Variants in RPL39 observed in about 807,000 individuals in gnomAD.
RPL39 encodes ribosomal protein L39, also known as large ribosomal subunit protein eL39.
For missense variants in RPL39, 6 were observed against 37.2 expected (o/e 0.16, Z 2.18); for synonymous variants, 8 against 11.4 (o/e 0.70, Z 0.60).
chrX:119,787,309 C>A (rs769419818), intron 2 of RPL39: 19 of 358,225 alleles, frequency 5.3e-5, no homozygotes, highest in Middle Eastern at 4.4e-4. Flanking sequence ...TACAATCGAT[C>A]AACTCCTCCA....
At chrX:119,788,936 A>C (rs965714299) in intron 2 of RPL39, among the ~76,000 whole-genome samples, 12 of 111,970 alleles carry the variant, frequency 1.1e-4, no homozygotes, top group Admixed American at 3.8e-4. Context: ...ACAGTTTTCC[A>C]ATCTTTTCTA....
intron 1 of RPL39, chrX:119,791,341 G>A: frequency 3.3e-6 from 1 of 303,404 alleles, no homozygotes; most frequent in Non-Finnish European, 6.0e-6. Flanking sequence ...GGCAAAGAAA[G>A]AGCCCCCTTG....
At chrX:119,791,320 G>C in intron 1 of RPL39, 1 of 294,699 alleles carries the variant, frequency 3.4e-6, no homozygotes, top group Non-Finnish European at 6.2e-6. Context: ...TGCCCGACTC[G>C]GCAGCGGCCG....
At chrX:119,790,870 G>A (rs1293850185) in intron 1 of RPL39, 3 of 111,116 alleles carry the variant, frequency 2.7e-5, no homozygotes, top group Non-Finnish European at 5.7e-5. Context: ...CACAGTAGCA[G>A]TTGTAAATTT....
At chrX:119,786,992 C>T (rs1030316355) in intron 2 of RPL39, among the ~76,000 whole-genome samples, 2 of 112,400 alleles carry the variant, frequency 1.8e-5, no homozygotes, top group East Asian at 2.8e-4. Context: ...CCCACTCTCT[C>T]CAAGTGTACT....
intron 2 of RPL39, among the ~76,000 whole-genome samples, chrX:119,788,496 A>G (rs1390788878): frequency 9.4e-6 from 1 of 106,442 alleles, no homozygotes; most frequent in African/African-American, 3.5e-5. Flanking sequence ...ACACCATTGC[A>G]CTCCAGCCTG....
At chrX:119,787,098 AT>A (rs147154753) in intron 2 of RPL39, among the ~76,000 whole-genome samples, 41,092 of 109,477 alleles carry the variant, frequency 0.38, 6,148 homozygotes, top group Non-Finnish European at 0.46. Context: ...CCCGCATGAT[AT>A]TTTTTTTGAG....
rs1296435453 is a variant in RPL39, at chrX:119,786,558, A to C, written c.*126T>G. On this transcript the variant is annotated 3_prime_UTR_variant, in exon 3 of 3. Transcript: ENST00000361575. ...CTGAATCCAGCCAACCAACGTGTTC[A>C]TAACAGATTCAGAGAGGAAAACACG... 1 of 537,375 alleles carries C rather than the reference A, an allele frequency of 1.9e-6. No homozygotes were observed. The highest frequency in any genetic ancestry group is 3.1e-5 in the South Asian group (1 of 32,121). The allele number at this position is 537,375 out of a possible 1,213,427, so 44.3% of individuals were successfully genotyped here.
Position 119,786,740 on chromosome X carries a change from G to A in RPL39, c.108-8C>T. ...CTCCTTTTGGAGTTGTACCTACACA[G>A]AAAAAAATGTCAAGTTACAAAGGCA... is the stretch of plus-strand genomic sequence containing the variant. On this transcript the variant is annotated splice_polypyrimidine_tract_variant and splice_region_variant and intron_variant, in intron 2 of 2. Transcript: ENST00000361575. 8.3e-7 allele frequency: 1 copy of A among 1,198,677 alleles called. No homozygotes were observed. The highest frequency in any genetic ancestry group is 1.1e-6 in the Non-Finnish European group (1 of 885,784).
Position 119,790,104 on chromosome X carries a change from A to T in RPL39, c.4-93T>A. 1.4e-5 allele frequency: 7 copies of T among 511,859 alleles called. No homozygotes were observed. In the South Asian group the frequency reaches 2.1e-4, roughly 15 times the overall value. The allele number at this position is 511,859 out of a possible 1,213,427, so 42.2% of individuals were successfully genotyped here. ...CCTTCAAACCAACATTTGAGTGCTT[A>T]ACACATACCCCAGCCCCAAAATCTT... On this transcript the variant is annotated intron_variant, in intron 1 of 2. Coordinates refer to ENST00000361575, the MANE Select transcript of RPL39 (RefSeq NM_001000.4).
Position 119,786,662 on chromosome X carries a change from G to A in RPL39, c.*22C>T. 8.9e-7 allele frequency: 1 copy of A among 1,118,055 alleles called. No individual in the cohort carries two copies. Among genetic ancestry groups the A allele is most frequent in the Non-Finnish European group, 1.2e-6 (1 of 813,489 alleles). 92.1% of individuals were successfully genotyped at this position (1,118,055 alleles called of 1,213,427 possible). A position where few individuals can be genotyped will look rare whatever the true frequency, so the allele number is the denominator to read the frequency against. The stretch of plus-strand genomic sequence containing the variant: ...TGACCTTCAGACAGCATAAATATGT[G>A]TGCCATCTCATGTGCAATTCCTTAT... On this transcript the variant is annotated 3_prime_UTR_variant, in exon 3 of 3. Coordinates refer to ENST00000361575, the MANE Select transcript of RPL39 (RefSeq NM_001000.4).
At chrX:119,787,213 G>A in intron 2 of RPL39, 1 of 269,030 alleles carries the variant, frequency 3.7e-6, no homozygotes, top group Non-Finnish European at 7.0e-6. Flanking sequence ...TCTCGAACTG[G>A]CTGGACTTCG....
rs185752382 is a variant in RPL39, at chrX:119,788,579, C to A, written c.107+1329G>T. 9.6e-3 allele frequency among the ~76,000 whole-genome samples: 1,060 copies of A among 110,184 alleles called. 5 individuals are homozygous for A. The highest frequency in any genetic ancestry group is 0.015 in the Non-Finnish European group (791 of 52,800). On this transcript the variant is annotated intron_variant, in intron 2 of 2. Transcript: ENST00000361575. ...GCTTTGACTAGCCTGGGCAACATGG[C>A]GAAACCCCATCTCTACAACAGGTAC... is the stretch of plus-strand genomic sequence containing the variant.
intron 2 of RPL39, among the ~76,000 whole-genome samples, chrX:119,789,440 C>T (rs2055687061): frequency 8.9e-6 from 1 of 112,205 alleles, no homozygotes; most frequent in African/African-American, 3.2e-5. Flanking sequence ...GCCTGTAGTC[C>T]CAGCTACTCT....
chrX:119,789,250 T>C (rs1276362857), intron 2 of RPL39, among the ~76,000 whole-genome samples: 4 of 110,397 alleles, frequency 3.6e-5, no homozygotes, highest in Non-Finnish European at 7.6e-5. Context: ...CAGAACAAGA[T>C]CCTGTCTCAA....
chrX:119,787,234 G>A (rs949065361), intron 2 of RPL39: 12 of 277,876 alleles, frequency 4.3e-5, no homozygotes, highest in Admixed American at 1.2e-4. Flanking sequence ...AGATCCACCC[G>A]CCTCGTCCTC....
Position 119,791,546 on chromosome X carries a change from C to CGGGGCCGATG in RPL39, c.3+18_3+27dup, listed in dbSNP as rs759470422. On this transcript the variant is annotated intron_variant, in intron 1 of 2. Coordinates refer to ENST00000361575, the MANE Select transcript of RPL39 (RefSeq NM_001000.4). ...GGCCTCGGGTTTTGGGAAGCCACCC[C>CGGGGCCGATG]GGGGCCGATGGGGGCCGATGGACTT... 2.0e-5 allele frequency: 23 copies of CGGGGCCGATG among 1,145,038 alleles called. No homozygotes were observed. The East Asian group carries it at 2.3e-4, about 12-fold the overall frequency. 94.4% of individuals were successfully genotyped at this position (1,145,038 alleles called of 1,213,427 possible).
At chrX:119,787,515 A>G (rs769662694) in intron 2 of RPL39, 32 of 366,497 alleles carry the variant, frequency 8.7e-5, no homozygotes, top group Admixed American at 2.3e-4. Flanking sequence ...GAAGATAGCT[A>G]AAACAATGAA....
At chrX:119,787,965 A>G (rs746449253) in intron 2 of RPL39, among the ~76,000 whole-genome samples, 14 of 111,424 alleles carry the variant, frequency 1.3e-4, no homozygotes, top group Non-Finnish European at 2.6e-4. Flanking sequence ...TGGTTTATAT[A>G]TACTTCTTTC....
Sources: allele counts gnomAD v4.1 joint callset (sites outside exome capture counted in the v4.1 genomes callset), GRCh38; gene constraint gnomAD v4.1.1; transcripts MANE v1.5; gene names NCBI Gene and HGNC (gene_info 2026-07-23, HGNC 2026-07-21).